VAC14: variants seen among roughly 807,000 people sequenced by gnomAD.
The protein encoded by VAC14 is VAC14 component of PIKFYVE complex.
Under a neutral mutation model 85.3 loss-of-function variants are expected in VAC14, and 47 were observed. The observed-to-expected ratio is 0.55, with a 90% CI of 0.44 to 0.70. The LOEUF is 0.70. Ranked by LOEUF, VAC14 falls within the 30% of genes least tolerant of loss-of-function variation. The pLI is 0.00. For synonymous variants in VAC14, 447 were observed against 430.5 expected (o/e 1.04, Z -0.47); for missense variants, 861 against 1,004.3 (o/e 0.86, Z 1.93).
intron 1 of VAC14, 114 bp downstream of exon 1, chr16:70,800,683 G>T: frequency 2.4e-6 from 2 of 840,260 alleles, no homozygotes; most frequent in Non-Finnish European, 3.7e-6. Flanking sequence ...CTGCGCTAAG[G>T]TAAGGGCCTA....
intron 14 of VAC14, among the ~76,000 whole-genome samples, chr16:70,704,607 C>T (rs2053888188): frequency 6.6e-6 from 1 of 152,178 alleles, no homozygotes; most frequent in African/African-American, 2.4e-5. Flanking sequence ...TCCTGCAGGC[C>T]TGGAGCAGGG....
chr16:70,739,242 A>T (rs1306162722), intron 13 of VAC14, among the ~76,000 whole-genome samples: 2 of 152,128 alleles, frequency 1.3e-5, no homozygotes, highest in African/African-American at 4.8e-5. Flanking sequence ...GTGAATCTAG[A>T]TCCCTCTGAC....
chr16:70,698,412 C>T (rs2053756836), intron 15 of VAC14, among the ~76,000 whole-genome samples: 1 of 151,954 alleles, frequency 6.6e-6, no homozygotes, highest in Admixed American at 6.5e-5. Context: ...CGTGGACCCT[C>T]CTGCGGGCAG....
At chr16:70,695,109 CTTTT>C (rs574700749) in intron 17 of VAC14, among the ~76,000 whole-genome samples, 2 of 136,504 alleles carry the variant, frequency 1.5e-5, no homozygotes, top group South Asian at 4.8e-4. Flanking sequence ...TCATCCCAGT[CTTTT>C]TTTTTTTTTT....
At chr16:70,694,091 A>T (rs2142988358) in intron 17 of VAC14, among the ~76,000 whole-genome samples, 1 of 152,310 alleles carries the variant, frequency 6.6e-6, no homozygotes, top group East Asian at 1.9e-4. Flanking sequence ...CACCTCTAGG[A>T]TCCAGGCGAC....
chr16:70,748,829 C>G (rs963523428), intron 12 of VAC14, among the ~76,000 whole-genome samples: 1 of 152,190 alleles, frequency 6.6e-6, no homozygotes, highest in Non-Finnish European at 1.5e-5. Context: ...ATCTGTAATC[C>G]TAGCTACTCG....
chr16:70,697,640 G>A (rs545866820), intron 15 of VAC14, among the ~76,000 whole-genome samples: 80 of 152,310 alleles, frequency 5.3e-4, no homozygotes, highest in Middle Eastern at 3.4e-3. Flanking sequence ...GCAGGGAAGG[G>A]AGGAAGCACA....
In VAC14 at chr16:70,696,064, G is replaced by C. The variant is rs544757229; in HGVS notation, c.1956-441C>G. ...GAAGCAGGCACACTGTGGGGAGCCA[G>C]GCAGGGCCACACCTAGCCCTCCACT... On this transcript the variant is annotated intron_variant, in intron 16 of 18. Transcript: ENST00000261776. Among the ~76,000 whole-genome samples, 5 of 152,314 alleles carry C rather than the reference G, an allele frequency of 3.3e-5. No homozygotes were observed. The East Asian group carries it at 9.7e-4, about 29-fold the overall frequency.
intron 18 of VAC14, chr16:70,689,265 C>G (rs560498433): frequency 1.0e-6 from 1 of 985,370 alleles, no homozygotes; most frequent in Non-Finnish European, 1.2e-6. Flanking sequence ...CACCTGGTAT[C>G]CAGCCCCAGC....
In VAC14 at chr16:70,722,415, C is replaced by T. The variant is rs553522269; in HGVS notation, c.1661+9080G>A. Among the ~76,000 whole-genome samples the T allele has an allele frequency of 2.0e-3, 301 of 152,334 alleles. 1 individual carries two copies. The highest frequency in any genetic ancestry group is 6.7e-3 in the African/African-American group (279 of 41,574). On this transcript the variant is annotated intron_variant, in intron 14 of 18. Transcript: ENST00000261776. ...CCATGGAAGAGGTGCCTGGTCTGGG[C>T]GGCCTTTCACAAACCGCATGCAGCA...
At chr16:70,765,939 T>C (rs991487583) in intron 10 of VAC14, among the ~76,000 whole-genome samples, 7 of 151,996 alleles carry the variant, frequency 4.6e-5, no homozygotes, top group Non-Finnish European at 8.8e-5. Context: ...TGAGACCAGC[T>C]TGGGCAACAC....
At chr16:70,692,789 G>A (rs1156563197) in intron 18 of VAC14, 32 bp downstream of exon 18, 1 of 1,582,432 alleles carries the variant, frequency 6.3e-7, no homozygotes, top group African/African-American at 1.3e-5. Context: ...CTGCTCAGGG[G>A]GCGGGGGCAG....
At chr16:70,759,545 T>G (rs1034866578) in intron 12 of VAC14, among the ~76,000 whole-genome samples, 1 of 152,204 alleles carries the variant, frequency 6.6e-6, no homozygotes, top group Non-Finnish European at 1.5e-5. Flanking sequence ...GGAGGACTGC[T>G]TGAACCCCGG....
rs2034053368 is a variant in VAC14 at position 70,786,293 on chromosome 16, C to A, written c.177G>T (p.Glu59Asp). Residue 59 changes from glutamate (E) to aspartate (D), a missense_variant, in exon 2 of 19, where the codon GAG (glutamate) becomes GAT (aspartate). Glu to Asp is a conservative substitution (Grantham distance 45). Around this residue, in one of 3 missense-constraint regions of VAC14, gnomAD observed 629 missense variants for 703.1 expected, o/e 0.89. Transcript: ENST00000261776. ...TGTGGGGGTGCTGAGACAGGGCAAA[C>A]TCCTGGGACAGGGTCTGGATCACAT... ...IKHVIQTLSQ[E>D]FALSQHPHSR... The A allele has an allele frequency of 3.1e-6, 5 of 1,614,126 alleles. No homozygotes were observed. Among genetic ancestry groups the A allele is most frequent in the Non-Finnish European group, 4.2e-6 (5 of 1,180,044 alleles).
intron 12 of VAC14, among the ~76,000 whole-genome samples, chr16:70,752,480 C>G (rs1016973639): frequency 1.3e-5 from 2 of 152,242 alleles, no homozygotes; most frequent in African/African-American, 4.8e-5. Context: ...CCAGAGGGTA[C>G]ACTCTCAGGG....
chr16:70,781,934 A>C lies in VAC14; in HGVS notation c.881T>G (p.Leu294Arg), dbSNP rs1289254293. Residue 294 changes from leucine (L) to arginine (R), a missense_variant, in exon 8 of 19, where the codon CTG (leucine) becomes CGG (arginine). Coordinates refer to ENST00000261776, the MANE Select transcript of VAC14 (RefSeq NM_018052.5). Reference protein sequence around the residue: ...EFIQLAGRVMLPYSSGILTAV... With the variant: ...EFIQLAGRVMRPYSSGILTAV... Reference sequence around the variant, plus strand: ...AGTCAGGATCCCGGAGGAGTAAGGCAGCATGACGCGGCCCGCCAGCTGGAT... The same window carrying C: ...AGTCAGGATCCCGGAGGAGTAAGGCCGCATGACGCGGCCCGCCAGCTGGAT... 6.2e-7 allele frequency: 1 copy of C among 1,614,180 alleles called. No individual in the cohort carries two copies. The highest frequency in any genetic ancestry group is 8.5e-7 in the Non-Finnish European group (1 of 1,180,042).
chr16:70,763,783 C>A (rs562493496), intron 10 of VAC14, among the ~76,000 whole-genome samples: 1 of 152,190 alleles, frequency 6.6e-6, no homozygotes, highest in African/African-American at 2.4e-5. Flanking sequence ...TGAAGTCCTG[C>A]GGGTCCCCAA....
rs779693159 is a variant in VAC14 at position 70,762,630 on chromosome 16, C to G, written c.1306-25G>C. On this transcript the variant is annotated intron_variant, in intron 11 of 18. Transcript: ENST00000261776. The surrounding 1 kb of genome is among the most constrained non-coding windows in gnomAD (Gnocchi z 4.1). ...TCTGGAGGGCAGAGAAGCAGGGGTG[C>G]CCGTGAGTGCTCCCTTCGCCCCGGG... is the stretch of plus-strand genomic sequence containing the variant. 4.3e-6 allele frequency: 7 copies of G among 1,612,740 alleles called. No individual in the cohort carries two copies. The Admixed American group carries it at 1.2e-4, about 27-fold the overall frequency.
At chr16:70,691,822 C>T in intron 18 of VAC14, 1 of 985,416 alleles carries the variant, frequency 1.0e-6, no homozygotes, top group Non-Finnish European at 1.2e-6. Context: ...GGAGCCGATG[C>T]CAGCGGTGTG....
Sources: gnomAD v4.1 joint callset for allele counts (sites outside exome capture counted in the v4.1 genomes callset) on GRCh38, gnomAD v4.1.1 for gene constraint, gnomAD v4.1.1 regional missense constraint, Gnocchi (gnomAD v3.1) non-coding constraint, MANE v1.5 for transcripts, NCBI Gene and HGNC (gene_info 2026-07-23, HGNC 2026-07-21) for gene names.